The following CASZ1 variants were observed in gnomAD, a reference collection of about 807,000 sequenced individuals.
CASZ1 encodes castor zinc finger 1.
A neutral mutation model predicts 135.2 loss-of-function variants in CASZ1; 28 were observed. The ratio of observed to expected loss-of-function variants is 0.21; its 90% CI spans 0.15 to 0.28. CASZ1 has a LOEUF of 0.28. CASZ1 is among the 10% of genes least tolerant of loss of function. CASZ1 has a pLI of 1.00. For synonymous variants in CASZ1, 1,068 were observed against 1,073.4 expected (o/e 0.99, Z 0.10); for missense variants, 2,161 against 2,453.3 (o/e 0.88, Z 2.52).
At chr1:10,698,650 C>T (rs564752474) in intron 3 of CASZ1, among the ~76,000 whole-genome samples, 2 of 152,216 alleles carry the variant, frequency 1.3e-5, no homozygotes, top group Non-Finnish European at 2.9e-5. Context: ...TCACTGCCTA[C>T]TTGTCCAGCT....
intron 1 of CASZ1, among the ~76,000 whole-genome samples, chr1:10,785,613 G>A (rs1042366077): frequency 9.9e-5 from 15 of 152,080 alleles, no homozygotes; most frequent in Admixed American, 2.6e-4. Context: ...TGCCTGTCTC[G>A]TGGCCCTCCA....
chr1:10,652,853 C>T (rs542952590), intron 11 of CASZ1: 101 of 160,776 alleles, frequency 6.3e-4, no homozygotes, highest in Non-Finnish European at 9.9e-4. Flanking sequence ...AGAAGGCTTC[C>T]AAGGCCTGGA....
rs1017059149 is a variant in CASZ1 at position 10,720,880 on chromosome 1, C to T, written c.-76-15336G>A. Among the ~76,000 whole-genome samples the T allele has an allele frequency of 9.2e-5, 14 of 152,132 alleles. No individual in the cohort carries two copies. Among genetic ancestry groups the T allele is most frequent in the African/African-American group, 2.7e-4 (11 of 41,416 alleles). ...GAGGCAGGCATGGGTGCCGCGTGGGCCCAGCCAAGGGCTCCAGGACACGAG... is the reference window on the plus strand; with the variant it reads ...GAGGCAGGCATGGGTGCCGCGTGGGTCCAGCCAAGGGCTCCAGGACACGAG... On this transcript the variant is annotated intron_variant, in intron 2 of 20. Transcript: ENST00000377022. The surrounding 1 kb of genome is among the most constrained non-coding windows in gnomAD (Gnocchi z 5.7).
chr1:10,660,736 C>T (rs1642996383), intron 5 of CASZ1, 200 bp from the exon 6 acceptor site: 2 of 572,064 alleles, frequency 3.5e-6, no homozygotes, highest in Non-Finnish European at 6.2e-6. Context: ...GTAATTAATA[C>T]TGGGGTAAAA....
rs1169645180 is a variant in CASZ1, at chr1:10,640,046, A to G, written c.4176T>C (p.Ser1392=). 2.5e-6 allele frequency: 4 copies of G among 1,606,984 alleles called. No homozygotes were observed. The highest frequency in any genetic ancestry group is 3.4e-6 in the Non-Finnish European group (4 of 1,179,088). Residue 1392 remains serine, a synonymous_variant, in exon 21 of 21, where the codon TCT becomes TCC. Coordinates refer to ENST00000377022, the MANE Select transcript of CASZ1 (RefSeq NM_001079843.3). ...TTTTGGCCCCCGAGGCTGTCGGCATAGAGATGGTGTTCCCTGGGGAGGGGC... is the reference window on the plus strand; with the variant it reads ...TTTTGGCCCCCGAGGCTGTCGGCATGGAGATGGTGTTCCCTGGGGAGGGGC... ...NESTAAGNTI[S]MPTASGAKKR... is the part of the protein sequence containing the mutation.
chr1:10,700,080 G>C lies in CASZ1; in HGVS notation c.-24+5412C>G, dbSNP rs537889344. On this transcript the variant is annotated intron_variant, in intron 3 of 20. Transcript: ENST00000377022. This position sits in a 1 kb window ranked among gnomAD's most constrained non-coding sequence, Gnocchi z 4.2. ...AGACAGAGAGAGAAAGAGAGATAGAGACACACACACACACACACACACACA... is the reference window on the plus strand; with the variant it reads ...AGACAGAGAGAGAAAGAGAGATAGACACACACACACACACACACACACACA... Among the ~76,000 whole-genome samples the C allele has an allele frequency of 0.03, 4,082 of 134,036 alleles. 203 individuals are homozygous for C. The highest frequency in any genetic ancestry group is 0.11 in the African/African-American group (3,716 of 35,254). The allele number at this position is 134,036 out of a possible 152,430, so 87.9% of individuals were successfully genotyped here.
At position 10,700,186 on chromosome 1, in the gene CASZ1, C is replaced by T. The variant is rs970179023; in HGVS notation, c.-24+5306G>A. Among the ~76,000 whole-genome samples the T allele has an allele frequency of 1.6e-4, 24 of 152,244 alleles. No homozygotes were observed. The highest frequency in any genetic ancestry group is 6.8e-3 in the Middle Eastern group (2 of 294). On this transcript the variant is annotated intron_variant, in intron 3 of 20. Coordinates refer to ENST00000377022, the MANE Select transcript of CASZ1 (RefSeq NM_001079843.3). This position sits in a 1 kb window ranked among gnomAD's most constrained non-coding sequence, Gnocchi z 4.2. ...CCTGGCCCAGCCTGTGGCCCCAGCC[C>T]GGGCGGGGACCTGTTCTGGAATGTT...
At chr1:10,796,421 C>T (rs1038993134) in intron 1 of CASZ1, 143 bp downstream of exon 1, 1 of 151,676 alleles carries the variant, frequency 6.6e-6, no homozygotes, top group Non-Finnish European at 1.5e-5. Flanking sequence ...CTCGCTCGCT[C>T]GCCCGCTCCC....
At chr1:10,768,911 C>T (rs1230808890) in intron 1 of CASZ1, among the ~76,000 whole-genome samples, 3 of 152,116 alleles carry the variant, frequency 2.0e-5, no homozygotes, top group African/African-American at 4.8e-5. Flanking sequence ...GAGGCAGAGG[C>T]GGGCAGATCA....
chr1:10,657,369 G>A lies in CASZ1; in HGVS notation c.1410-633C>T, dbSNP rs189983201. 4.3e-3 allele frequency among the ~76,000 whole-genome samples: 651 copies of A among 152,302 alleles called. 1 individual carries two copies. Among genetic ancestry groups the A allele is most frequent in the Non-Finnish European group, 7.3e-3 (499 of 68,026 alleles). On this transcript the variant is annotated intron_variant, in intron 7 of 20. Transcript: ENST00000377022. This position sits in a 1 kb window ranked among gnomAD's most constrained non-coding sequence, Gnocchi z 5.7. ...AGCCTCGGTGACGGCCGGCCGTGGG[G>A]AGGCCACTCTGGAGAGGCCACACCA...
intron 5 of CASZ1, among the ~76,000 whole-genome samples, chr1:10,662,659 A>C (rs571747434): frequency 8.6e-5 from 13 of 152,026 alleles, no homozygotes; most frequent in African/African-American, 2.2e-4. Context: ...GCTCACCCCC[A>C]CACAGTCACA....
rs1388408434 is a variant in CASZ1, at chr1:10,794,317, T to G, written c.-234+2247A>C. Among the ~76,000 whole-genome samples the G allele has an allele frequency of 6.6e-6, 1 of 151,984 alleles. No individual in the cohort carries two copies. The highest frequency in any genetic ancestry group is 1.5e-5 in the Non-Finnish European group (1 of 67,970). On this transcript the variant is annotated intron_variant, in intron 1 of 20. Transcript: ENST00000377022. The surrounding 1 kb of genome is among the most constrained non-coding windows in gnomAD (Gnocchi z 5.6). ...TGTACCAGCTCGGAGACGTCCTAAATTTACTAACTTTGCCCCGCGACTACC... is the reference window on the plus strand; with the variant it reads ...TGTACCAGCTCGGAGACGTCCTAAAGTTACTAACTTTGCCCCGCGACTACC...
intron 6 of CASZ1, 78 bp downstream of exon 6, chr1:10,659,624 G>A (rs1642938634): frequency 2.5e-6 from 3 of 1,190,370 alleles, no homozygotes; most frequent in South Asian, 1.3e-5. Flanking sequence ...TCAAGCACGG[G>A]CAACCCTGGT....
In CASZ1 at chr1:10,788,479, T is replaced by C. The variant is rs1640897999; in HGVS notation, c.-234+8085A>G. On this transcript the variant is annotated intron_variant, in intron 1 of 20. Coordinates refer to ENST00000377022, the MANE Select transcript of CASZ1 (RefSeq NM_001079843.3). The surrounding 1 kb of genome is among the most constrained non-coding windows in gnomAD (Gnocchi z 4.1). ...GCATTTATAAGATCTGCGAAACCCC[T>C]CAAAGTATAAGCAACATTTATGCTT... Among the ~76,000 whole-genome samples, 1 of 152,122 alleles carries C rather than the reference T, an allele frequency of 6.6e-6. No homozygotes were observed. Among genetic ancestry groups the C allele is most frequent in the African/African-American group, 2.4e-5 (1 of 41,402 alleles).
chr1:10,765,451 T>C (rs1640457231), intron 1 of CASZ1, among the ~76,000 whole-genome samples: 1 of 151,888 alleles, frequency 6.6e-6, no homozygotes. Context: ...TGATGTGTTG[T>C]GGCACGAAAG....
In CASZ1 at chr1:10,654,053, G is replaced by T. The variant is rs763713117; in HGVS notation, c.2004C>A (p.Phe668Leu). Residue 668 changes from phenylalanine to leucine, a missense_variant, in exon 11 of 21, where the codon TTC (phenylalanine) becomes TTA (leucine). Physicochemically the swap from Phe to Leu is conservative, Grantham distance 22. This residue lies in a region of CASZ1 where 248 missense variants were observed against 410.8 expected (regional missense o/e 0.60). Coordinates refer to ENST00000377022, the MANE Select transcript of CASZ1 (RefSeq NM_001079843.3). ...GCVYSKATNHFHCIRAGCGFT... is the reference protein window; with the variant it reads ...GCVYSKATNHLHCIRAGCGFT... ...AGCCGCAGCCGGCGCGGATGCAGTGGAAGTGGTTGGTAGCCTTGCTGTACA... is the reference window on the plus strand; with the variant it reads ...AGCCGCAGCCGGCGCGGATGCAGTGTAAGTGGTTGGTAGCCTTGCTGTACA... 4 of 1,614,252 alleles carry T rather than the reference G, an allele frequency of 2.5e-6. No individual in the cohort carries two copies. The highest frequency in any genetic ancestry group is 3.4e-6 in the Non-Finnish European group (4 of 1,180,038).
rs1167168593 is a variant in CASZ1 at position 10,726,274 on chromosome 1, C to T, written c.-76-20730G>A. 2.0e-5 allele frequency among the ~76,000 whole-genome samples: 3 copies of T among 152,206 alleles called. No homozygotes were observed. Among genetic ancestry groups the T allele is most frequent in the African/African-American group, 7.2e-5 (3 of 41,456 alleles). ...TAGGAGACACCACTGTTCATGCCCT[C>T]ATTTACGGAGGAGGAAATGAGGCTT... On this transcript the variant is annotated intron_variant, in intron 2 of 20. Coordinates refer to ENST00000377022, the MANE Select transcript of CASZ1 (RefSeq NM_001079843.3). The surrounding 1 kb of genome is among the most constrained non-coding windows in gnomAD (Gnocchi z 5.7).
intron 1 of CASZ1, among the ~76,000 whole-genome samples, chr1:10,782,363 C>G (rs368775753): frequency 1.3e-5 from 2 of 152,216 alleles, no homozygotes; most frequent in South Asian, 4.1e-4. Context: ...CATCCATGAA[C>G]CCTCAACATC....
chr1:10,707,690 G>T lies in CASZ1; in HGVS notation c.-76-2146C>A, dbSNP rs780307833. On this transcript the variant is annotated intron_variant, in intron 2 of 20. Transcript: ENST00000377022. This position sits in a 1 kb window ranked among gnomAD's most constrained non-coding sequence, Gnocchi z 5.0. The stretch of plus-strand genomic sequence containing the variant: ...GGGACCCTGGGATACTGGGACCCCA[G>T]TGGGGGCCTAAGAAGTAGCTGAGAG... Among the ~76,000 whole-genome samples the T allele has an allele frequency of 6.6e-6, 1 of 152,158 alleles. No individual in the cohort carries two copies. The highest frequency in any genetic ancestry group is 1.5e-5 in the Non-Finnish European group (1 of 68,016).
Sources: gnomAD v4.1 joint callset for allele counts (sites outside exome capture counted in the v4.1 genomes callset) on GRCh38, gnomAD v4.1.1 for gene constraint, gnomAD v4.1.1 regional missense constraint, Gnocchi (gnomAD v3.1) non-coding constraint, MANE v1.5 for transcripts, NCBI Gene and HGNC (gene_info 2026-07-23, HGNC 2026-07-21) for gene names.